The following NLGN1 variants were observed in gnomAD, a reference collection of about 807,000 sequenced individuals.
NLGN1 encodes neuroligin-1.
A neutral mutation model predicts 65.5 loss-of-function variants in NLGN1; 12 were observed. The observed-to-expected ratio is 0.18, with a 90% CI of 0.12 to 0.30. The LOEUF (loss-of-function observed/expected upper bound fraction) is 0.30. Among genes scored for constraint, NLGN1 ranks in the 10% least tolerant of loss-of-function variants. NLGN1 has a pLI of 1.00. For synonymous variants in NLGN1, 350 were observed against 359.5 expected, an observed-to-expected ratio of 0.97 and a Z score of 0.30; for missense variants, 750 against 1,007.1, an observed-to-expected ratio of 0.74 and a Z score of 3.46.
intron 2 of NLGN1, among the ~76,000 whole-genome samples, chr3:173,576,389 A>G (rs1169561572): frequency 2.0e-5 from 3 of 152,192 alleles, no homozygotes; most frequent in South Asian, 2.1e-4. Flanking sequence ...CAAATTTATT[A>G]TCTTACAGTT....
At chr3:173,459,901 G>A (rs1180815894) in intron 2 of NLGN1, among the ~76,000 whole-genome samples, 1 of 151,912 alleles carries the variant, frequency 6.6e-6, no homozygotes, top group African/African-American at 2.4e-5. Context: ...GTTATCAGGG[G>A]TTGTTAGGAA....
chr3:173,896,334 C>A (rs990521791), intron 4 of NLGN1, among the ~76,000 whole-genome samples: 1 of 152,256 alleles, frequency 6.6e-6, no homozygotes, highest in South Asian at 2.1e-4. Context: ...TCCAGCTGAT[C>A]CTTCTGTGAG....
intron 4 of NLGN1, among the ~76,000 whole-genome samples, chr3:173,939,437 A>C (rs1745603081): frequency 6.6e-6 from 1 of 152,200 alleles, no homozygotes; most frequent in Non-Finnish European, 1.5e-5. Context: ...GGTTGTTTAC[A>C]CACAACAGGT....
rs187265919 is a variant in NLGN1, at chr3:174,230,397, C to A, written c.647-44918C>A. 5.9e-5 allele frequency among the ~76,000 whole-genome samples: 9 copies of A among 152,106 alleles called. No homozygotes were observed. In the East Asian group the frequency reaches 1.7e-3, roughly 29 times the overall value. On this transcript the variant is annotated intron_variant, in intron 4 of 6. Coordinates refer to ENST00000457714, the Ensembl canonical transcript of NLGN1. Reference sequence around the variant, plus strand: ...AAAGATGAATACAAAATGTATAATACCCAGTGCCAAGAGTAATACAATGGT... The same window carrying A: ...AAAGATGAATACAAAATGTATAATAACCAGTGCCAAGAGTAATACAATGGT...
chr3:173,957,076 TTATAA>T (rs1407184270), intron 4 of NLGN1, among the ~76,000 whole-genome samples: 2 of 152,004 alleles, frequency 1.3e-5, no homozygotes, highest in South Asian at 2.1e-4. Context: ...ATGATGCATA[TTATAA>T]TATAGCAAAA....
chr3:174,191,908 G>A (rs576827112), intron 4 of NLGN1, among the ~76,000 whole-genome samples: 7 of 152,188 alleles, frequency 4.6e-5, no homozygotes, highest in Admixed American at 4.6e-4. Context: ...CTTTAAGTAG[G>A]TTCCTTATTC....
chr3:173,756,684 G>A lies in NLGN1; in HGVS notation c.494-50996G>A, dbSNP rs543018534. On this transcript the variant is annotated intron_variant, in intron 3 of 6. Coordinates refer to ENST00000457714, the Ensembl canonical transcript of NLGN1. Reference sequence around the variant, plus strand: ...TACAAAAATGGCTGATTACAGATCTGTGTCAAGAAATGCACAAAATGATTC... The same window carrying A: ...TACAAAAATGGCTGATTACAGATCTATGTCAAGAAATGCACAAAATGATTC... 2.0e-5 allele frequency among the ~76,000 whole-genome samples: 3 copies of A among 151,608 alleles called. No individual in the cohort carries two copies. In the Admixed American group the frequency reaches 2.0e-4, roughly 10 times the overall value.
intron 4 of NLGN1, among the ~76,000 whole-genome samples, chr3:174,169,409 G>A (rs1316421529): frequency 6.6e-6 from 1 of 151,742 alleles, no homozygotes; most frequent in Admixed American, 6.6e-5. Flanking sequence ...GATCTGCTTG[G>A]GCTTAGAACA....
intron 2 of NLGN1, among the ~76,000 whole-genome samples, chr3:173,453,332 A>G (rs1448099830): frequency 6.6e-6 from 1 of 151,170 alleles, no homozygotes; most frequent in African/African-American, 2.4e-5. Context: ...TGCTAGGCTC[A>G]AGTGATCTTC....
At chr3:174,190,891 A>G (rs969348949) in intron 4 of NLGN1, among the ~76,000 whole-genome samples, 14 of 152,072 alleles carry the variant, frequency 9.2e-5, no homozygotes, top group African/African-American at 3.1e-4. Flanking sequence ...CCTGATTTTC[A>G]AGAAATCTGT....
chr3:174,282,202 C>T (rs1224199337), exon 7 of NLGN1: 1 of 152,008 alleles, frequency 6.6e-6, no homozygotes, highest in African/African-American at 2.4e-5. Context: ...CTTTTCAATC[C>T]CATCTAGATA....
At chr3:173,597,470 C>T (rs1749670194) in intron 2 of NLGN1, among the ~76,000 whole-genome samples, 1 of 152,100 alleles carries the variant, frequency 6.6e-6, no homozygotes, top group South Asian at 2.1e-4. Context: ...TGGATGAATC[C>T]AGCTGATATT....
At chr3:173,572,049 AC>A (rs1284878213) in intron 2 of NLGN1, among the ~76,000 whole-genome samples, 1 of 152,250 alleles carries the variant, frequency 6.6e-6, no homozygotes, top group African/African-American at 2.4e-5. Flanking sequence ...AATATCACTC[AC>A]GTTTTTCTGA....
intron 4 of NLGN1, among the ~76,000 whole-genome samples, chr3:173,943,931 C>T (rs562154844): frequency 6.6e-6 from 1 of 152,196 alleles, no homozygotes; most frequent in East Asian, 1.9e-4. Context: ...TTCCCAACAT[C>T]ATTAGTAACA....
chr3:174,151,385 C>CA (rs1388497358), intron 4 of NLGN1, among the ~76,000 whole-genome samples: 1 of 152,042 alleles, frequency 6.6e-6, no homozygotes, highest in Admixed American at 6.6e-5. Context: ...CTAATTTCAT[C>CA]AGAGTATTTG....
intron 4 of NLGN1, among the ~76,000 whole-genome samples, chr3:174,268,098 G>A (rs1048762979): frequency 1.3e-5 from 2 of 152,054 alleles, no homozygotes; most frequent in Middle Eastern, 3.2e-3. Flanking sequence ...AGACATTGTC[G>A]TTTCTTCAAT....
intron 4 of NLGN1, among the ~76,000 whole-genome samples, chr3:174,146,917 A>G (rs1461125451): frequency 6.6e-6 from 1 of 152,216 alleles, no homozygotes; most frequent in African/African-American, 2.4e-5. Flanking sequence ...TTTGTAATAT[A>G]TAGTATACCA....
chr3:173,458,988 T>C (rs762205577), intron 2 of NLGN1, among the ~76,000 whole-genome samples: 1 of 152,086 alleles, frequency 6.6e-6, no homozygotes, highest in Non-Finnish European at 1.5e-5. Flanking sequence ...TATTGGAACA[T>C]GTGCTTCACC....
intron 4 of NLGN1, among the ~76,000 whole-genome samples, chr3:174,066,546 C>CTG (rs1317707060): frequency 2.1e-4 from 24 of 114,728 alleles, no homozygotes; most frequent in African/African-American, 7.5e-4. Context: ...CTCTCTCTCT[C>CTG]TCTCTCTCTC....
Sources: allele counts gnomAD v4.1 joint callset (sites outside exome capture counted in the v4.1 genomes callset), GRCh38; gene constraint gnomAD v4.1.1; transcripts MANE v1.5; gene names NCBI Gene and HGNC (gene_info 2026-07-23, HGNC 2026-07-21).